The following OPA1 variants were observed in gnomAD, a reference collection of about 807,000 sequenced individuals.
OPA1 encodes dynamin-like GTPase OPA1, mitochondrial.
Under a neutral mutation model 152.9 loss-of-function variants are expected in OPA1, and 59 were observed. The observed-to-expected ratio is 0.39, with a 90% CI of 0.31 to 0.48. OPA1 has a LOEUF of 0.48. Ranked by LOEUF, OPA1 falls within the 20% of genes least tolerant of loss-of-function variation. The pLI is 0.96. For synonymous variants in OPA1, 400 were observed against 389.9 expected (o/e 1.03, Z -0.31); for missense variants, 1,008 against 1,216.8 (o/e 0.83, Z 2.55).
chr3:193,631,981 A>G (rs527286221), intron 8 of OPA1, among the ~76,000 whole-genome samples: 1 of 152,344 alleles, frequency 6.6e-6, no homozygotes, highest in East Asian at 1.9e-4. Context: ...AGTTAAAGAA[A>G]TTCGAGTTGA....
chr3:193,681,417 T>C (rs1400063313), intron 29 of OPA1, among the ~76,000 whole-genome samples: 1 of 152,158 alleles, frequency 6.6e-6, no homozygotes, highest in Admixed American at 6.5e-5. Context: ...ACGCAAAAGA[T>C]AAAACTACTT....
At chr3:193,643,479 C>A in intron 14 of OPA1, 35 bp downstream of exon 14, 1 of 1,605,316 alleles carries the variant, frequency 6.2e-7, no homozygotes. Context: ...TTATTTTATT[C>A]TTATTGTGTG....
intron 25 of OPA1, 31 bp downstream of exon 25, chr3:193,659,592 T>A: frequency 6.4e-7 from 1 of 1,564,320 alleles, no homozygotes; most frequent in African/African-American, 1.4e-5. Context: ...AGTCTTATGA[T>A]GATATAATTT....
chr3:193,617,979 A>C, intron 5 of OPA1, 142 bp downstream of exon 5: 1 of 675,946 alleles, frequency 1.5e-6, no homozygotes, highest in Non-Finnish European at 2.7e-6. Flanking sequence ...AGGCAAACTC[A>C]TTATCCTTTA....
At position 193,662,983 on chromosome 3, in the gene OPA1, G is replaced by C. The variant is rs370110093; in HGVS notation, c.2661+21G>C. 12 of 1,611,356 alleles carry C rather than the reference G, an allele frequency of 7.4e-6. No homozygotes were observed. In the Middle Eastern group the frequency reaches 4.9e-4, roughly 66 times the overall value. On this transcript the variant is annotated intron_variant, in intron 26 of 30. Transcript: ENST00000361510. ...GCTTGGTAATAAATACTGCTGAGAA[G>C]CAGGAATCTGCTTCCTTAATATTTG...
intron 26 of OPA1, among the ~76,000 whole-genome samples, chr3:193,664,420 G>GT (rs1193293715): frequency 6.6e-6 from 1 of 151,736 alleles, no homozygotes; most frequent in Non-Finnish European, 1.5e-5. Flanking sequence ...TAATAAAGTG[G>GT]TAGGGATCAT....
chr3:193,671,674 G>A (rs12696673), intron 29 of OPA1, among the ~76,000 whole-genome samples: 36,125 of 152,094 alleles, frequency 0.24, 4,672 homozygotes, highest in African/African-American at 0.32. Context: ...GATAATGCAT[G>A]ATTACAACAA....
chr3:193,645,690 A>G, intron 17 of OPA1, 38 bp from the exon 18 acceptor site: 2 of 1,609,380 alleles, frequency 1.2e-6, no homozygotes, highest in Admixed American at 1.7e-5. Context: ...ATAAAGAGTA[A>G]TTTTCTTGAT....
intron 1 of OPA1, chr3:193,603,560 G>T (rs1288723911): frequency 6.6e-6 from 1 of 152,208 alleles, no homozygotes; most frequent in Non-Finnish European, 1.5e-5. Context: ...CACTAGAGGT[G>T]AGAAACCTTC....
chr3:193,598,106 A>G (rs1429253602), intron 1 of OPA1, among the ~76,000 whole-genome samples: 1 of 152,208 alleles, frequency 6.6e-6, no homozygotes, highest in East Asian at 1.9e-4. Context: ...CCCTGTCTCA[A>G]AAATAAAAAA....
In OPA1 at chr3:193,667,842, G is replaced by A. The variant is rs138752989; in HGVS notation, c.2983+562G>A. Among the ~76,000 whole-genome samples, 685 of 152,128 alleles carry A rather than the reference G, an allele frequency of 4.5e-3. 3 individuals carry two copies. The highest frequency in any genetic ancestry group is 0.016 in the African/African-American group (657 of 41,490). ...GATAAATTACAATATCTAATTCTCAGACCCCTTTCAAGTTTCACCCGTTGT... is the reference window on the plus strand; with the variant it reads ...GATAAATTACAATATCTAATTCTCAAACCCCTTTCAAGTTTCACCCGTTGT... On this transcript the variant is annotated intron_variant, in intron 29 of 30. Coordinates refer to ENST00000361510, the MANE Select transcript of OPA1 (RefSeq NM_130837.3).
At chr3:193,620,012 C>T (rs1462650401) in intron 6 of OPA1, among the ~76,000 whole-genome samples, 3 of 150,758 alleles carry the variant, frequency 2.0e-5, no homozygotes, top group East Asian at 1.9e-4. Flanking sequence ...CTTTTTTGAC[C>T]CTCTTTTGCA....
At chr3:193,650,284 G>A (rs1345525854) in intron 21 of OPA1, among the ~76,000 whole-genome samples, 1 of 152,178 alleles carries the variant, frequency 6.6e-6, no homozygotes, top group African/African-American at 2.4e-5. Context: ...GGCTGCTAGA[G>A]ATTTACTTGT....
chr3:193,626,228 C>A, intron 7 of OPA1, 26 bp downstream of exon 7: 1 of 1,515,080 alleles, frequency 6.6e-7, no homozygotes, highest in South Asian at 1.1e-5. Context: ...AGGGGGCTAC[C>A]GATACATTCA....
intron 3 of OPA1, 62 bp from the exon 4 acceptor site, chr3:193,617,116 A>G (rs1255597874): frequency 3.0e-6 from 3 of 1,010,402 alleles, no homozygotes; most frequent in African/African-American, 3.2e-5. Flanking sequence ...TTAGCCCTTT[A>G]TAAGAATAGT....
chr3:193,612,268 CTT>C (rs34283831), intron 1 of OPA1, among the ~76,000 whole-genome samples: 27 of 116,338 alleles, frequency 2.3e-4, no homozygotes, highest in Admixed American at 8.3e-4. Flanking sequence ...GTCTAACTTC[CTT>C]TTTTTTTTTT....
rs1383837356 is a variant in OPA1 at position 193,631,618 on chromosome 3, G to C, written c.796G>C (p.Asp266His). ...AATTATTTTAAACATTTAGGTGTCA[G>C]ACAAAGAGAAAATTGACCAACTTCA... ...SYAQQKRKVS[D>H]KEKIDQLQEE... The change falls in exon 8 of 31, where the codon GAC (aspartate) becomes CAC (histidine). Residue 266 changes from aspartate to histidine, a missense_variant. By Grantham distance (81) the Asp-to-His change is moderately conservative. Coordinates refer to ENST00000361510, the MANE Select transcript of OPA1 (RefSeq NM_130837.3). 6.2e-7 allele frequency: 1 copy of C among 1,609,772 alleles called. No homozygotes were observed. Among genetic ancestry groups the C allele is most frequent in the Admixed American group, 1.7e-5 (1 of 59,992 alleles).
At chr3:193,597,163 T>G (rs1725735401) in intron 1 of OPA1, among the ~76,000 whole-genome samples, 1 of 152,064 alleles carries the variant, frequency 6.6e-6, no homozygotes, top group African/African-American at 2.4e-5. Flanking sequence ...GTAGGTTAGG[T>G]CTAAGCCTTG....
intron 6 of OPA1, among the ~76,000 whole-genome samples, chr3:193,623,996 A>C (rs1730613419): frequency 2.0e-5 from 3 of 152,166 alleles, no homozygotes; most frequent in Admixed American, 1.3e-4. Flanking sequence ...CTATCTTTAC[A>C]TAATAGTGCT....
Sources: allele counts gnomAD v4.1 joint callset (sites outside exome capture counted in the v4.1 genomes callset), GRCh38; gene constraint gnomAD v4.1.1; transcripts MANE v1.5; gene names NCBI Gene and HGNC (gene_info 2026-07-23, HGNC 2026-07-21).